The following SATB1 variants were observed in gnomAD, a reference collection of about 807,000 sequenced individuals.
The protein encoded by SATB1 is SATB homeobox 1.
A neutral mutation model predicts 86.9 loss-of-function variants in SATB1; 11 were observed. That is an observed-to-expected ratio of 0.13 (90% CI 0.08 to 0.21). The LOEUF is 0.21. Among genes scored for constraint, SATB1 ranks in the 10% least tolerant of loss-of-function variants. The probability of loss-of-function intolerance (pLI) is 1.00; values close to 1 mark genes in which losing one functional copy is unlikely to be tolerated. For missense variants in SATB1, 551 were observed against 937.6 expected, an observed-to-expected ratio of 0.59 and a Z score of 5.39; for synonymous variants, 357 against 357.2, an observed-to-expected ratio of 1.00 and a Z score of 0.01.
intron 2 of SATB1, among the ~76,000 whole-genome samples, chr3:18,433,329 A>G (rs894822447): frequency 4.6e-5 from 7 of 152,190 alleles, no homozygotes; most frequent in Non-Finnish European, 8.8e-5. Context: ...TAAAGTACTA[A>G]TTTGCAAATT....
At chr3:18,410,367 T>C in intron 5 of SATB1, among the ~76,000 whole-genome samples, 1 of 152,014 alleles carries the variant, frequency 6.6e-6, no homozygotes, top group East Asian at 1.9e-4. Context: ...ATGAAAAGGC[T>C]ACTTGGTGAA....
chr3:18,426,654 G>A (rs1422269837), upstream of SATB1, among the ~76,000 whole-genome samples: 5 of 152,108 alleles, frequency 3.3e-5, no homozygotes, highest in African/African-American at 4.8e-5. This position sits in a 1 kb window ranked among gnomAD's most constrained non-coding sequence, Gnocchi z 4.2. Context: ...GCACCCTGAA[G>A]GCAGTTAATC....
At position 18,444,562 on chromosome 3, in the gene SATB1, G is replaced by T; in HGVS notation, c.-25+956C>A. 1.0e-6 allele frequency: 1 copy of T among 984,096 alleles called. No homozygotes were observed. The highest frequency in any genetic ancestry group is 1.7e-5 in the African/African-American group (1 of 57,286). The allele number at this position is 984,096 out of a possible 1,614,324, so 61.0% of individuals were successfully genotyped here. A position where few individuals can be genotyped will look rare whatever the true frequency, so the allele number is the denominator to read the frequency against. ...GAAAAAGAGGGACAGAGATAAAACAGCAAGAGTAGCAAGGGGAAAAGGGAG... is the reference window on the plus strand; with the variant it reads ...GAAAAAGAGGGACAGAGATAAAACATCAAGAGTAGCAAGGGGAAAAGGGAG... On this transcript the variant is annotated intron_variant, in intron 1 of 3. Transcript: ENST00000415069. The surrounding 1 kb of genome is among the most constrained non-coding windows in gnomAD (Gnocchi z 5.1).
At position 18,444,211 on chromosome 3, in the gene SATB1, T is replaced by C. The variant is rs377302881; in HGVS notation, c.-25+1307A>G. On this transcript the variant is annotated intron_variant, in intron 1 of 3. Transcript: ENST00000415069. This position sits in a 1 kb window ranked among gnomAD's most constrained non-coding sequence, Gnocchi z 5.1. ...CCAGAACGCACCGAGAGGCTCCCCT[T>C]TTCCCCATTTGCTTCCTTCGGTCTT... Among the ~76,000 whole-genome samples the C allele has an allele frequency of 2.6e-5, 4 of 151,966 alleles. No homozygotes were observed. In the East Asian group the frequency reaches 7.8e-4, roughly 29 times the overall value.
upstream of SATB1, among the ~76,000 whole-genome samples, chr3:18,425,614 G>T (rs1031368849): frequency 1.3e-5 from 2 of 151,882 alleles, no homozygotes; most frequent in Non-Finnish European, 2.9e-5. Flanking sequence ...TAATGAGCTT[G>T]ATTAGAGTGA....
chr3:18,420,693 C>A, intron 2 of SATB1, 64 bp downstream of exon 2: 1 of 1,323,634 alleles, frequency 7.6e-7, no homozygotes, highest in Admixed American at 1.7e-5. Context: ...CACCCCCACA[C>A]AGTGTGGCCT....
intron 2 of SATB1, among the ~76,000 whole-genome samples, chr3:18,430,695 T>C (rs544655058): frequency 3.9e-5 from 6 of 152,334 alleles, no homozygotes; most frequent in African/African-American, 1.4e-4. Flanking sequence ...GGAGTGATGA[T>C]AATGAACTCT....
Position 18,383,408 on chromosome 3 carries a change from G to A in SATB1, c.1419+2991C>T, listed in dbSNP as rs530647846. ...TTACACTCTATAAAGAGGTGGAAGA[G>A]AATCCAGTTTCCCAGGCCTTAATGG... On this transcript the variant is annotated intron_variant, in intron 8 of 10. Coordinates refer to ENST00000338745, the MANE Select transcript of SATB1 (RefSeq NM_002971.6). Among the ~76,000 whole-genome samples the A allele has an allele frequency of 3.9e-5, 6 of 152,354 alleles. No homozygotes were observed. The East Asian group carries it at 9.6e-4, about 24-fold the overall frequency.
intron 1 of SATB1, among the ~76,000 whole-genome samples, chr3:18,422,982 T>A (rs1238300064): frequency 6.6e-6 from 1 of 152,198 alleles, no homozygotes; most frequent in Non-Finnish European, 1.5e-5. Flanking sequence ...TATTAAACAC[T>A]AAGTCGTGGT....
At position 18,394,952 on chromosome 3, in the gene SATB1, A is replaced by AT; in HGVS notation, c.752-37_752-36insA. Reference sequence around the variant, plus strand: ...CAAAGAGTAAAATCACATTCAGCCAACAATGATTGGCATTGATAAAGATTT... The same window carrying AT: ...CAAAGAGTAAAATCACATTCAGCCAATCAATGATTGGCATTGATAAAGATTT... On this transcript the variant is annotated intron_variant, in intron 6 of 10. Transcript: ENST00000338745. This position sits in a 1 kb window ranked among gnomAD's most constrained non-coding sequence, Gnocchi z 5.9. The AT allele has an allele frequency of 6.9e-7, 1 of 1,443,906 alleles. No homozygotes were observed. Among genetic ancestry groups the AT allele is most frequent in the Non-Finnish European group, 9.3e-7 (1 of 1,070,408 alleles). The allele number at this position is 1,443,906 out of a possible 1,614,324, so 89.4% of individuals were successfully genotyped here.
At chr3:18,357,051 T>A (rs747165966) in intron 9 of SATB1, among the ~76,000 whole-genome samples, 1 of 151,878 alleles carries the variant, frequency 6.6e-6, no homozygotes, top group African/African-American at 2.4e-5. Flanking sequence ...ATGACAATTC[T>A]TACTGCAACT....
At chr3:18,392,564 TACACACACATAC>T (rs139569792) in intron 7 of SATB1, among the ~76,000 whole-genome samples, 5,486 of 112,410 alleles carry the variant, frequency 0.049, 218 homozygotes, top group African/African-American at 0.1. Context: ...TACATATATA[TACACACACATAC>T]ACACACACAT....
At chr3:18,391,484 C>T (rs529813601) in intron 7 of SATB1, among the ~76,000 whole-genome samples, 66 of 150,190 alleles carry the variant, frequency 4.4e-4, no homozygotes, top group Non-Finnish European at 1.8e-4. Context: ...CCCACTAAGT[C>T]GTCATCTAGC....
chr3:18,429,727 C>A (rs1183209437), upstream of SATB1, among the ~76,000 whole-genome samples: 1 of 152,160 alleles, frequency 6.6e-6, no homozygotes, highest in Non-Finnish European at 1.5e-5. The surrounding 1 kb of genome is among the most constrained non-coding windows in gnomAD (Gnocchi z 4.1). Context: ...CCATTATATA[C>A]CCTCACAGAA....
intron 5 of SATB1, among the ~76,000 whole-genome samples, chr3:18,402,199 TA>T (rs1697307547): frequency 6.6e-6 from 1 of 152,148 alleles, no homozygotes; most frequent in Non-Finnish European, 1.5e-5. Flanking sequence ...AAGATGGTTT[TA>T]TTTTTTTACT....
At chr3:18,389,969 C>T (rs1696562308) in intron 7 of SATB1, among the ~76,000 whole-genome samples, 1 of 152,058 alleles carries the variant, frequency 6.6e-6, no homozygotes, top group Non-Finnish European at 1.5e-5. Flanking sequence ...GCGGTTAAGT[C>T]AGAGTTCTAA....
At chr3:18,372,323 G>A (rs1423707383) in intron 9 of SATB1, among the ~76,000 whole-genome samples, 2 of 152,176 alleles carry the variant, frequency 1.3e-5, no homozygotes, top group Non-Finnish European at 1.5e-5. Flanking sequence ...GAGGCTTAAT[G>A]AGTTATGTCT....
In SATB1 at chr3:18,358,038, G is replaced by A. The variant is rs190269084; in HGVS notation, c.1576-5843C>T. 1.5e-3 allele frequency among the ~76,000 whole-genome samples: 234 copies of A among 152,044 alleles called. 2 individuals carry two copies. Among genetic ancestry groups the A allele is most frequent in the Middle Eastern group, 3.4e-3 (1 of 294 alleles). Reference sequence around the variant, plus strand: ...AAATTATTTACTAGGTTAAAAGGGTGAACTGATACTTTAAATACATCAAAT... The same window carrying A: ...AAATTATTTACTAGGTTAAAAGGGTAAACTGATACTTTAAATACATCAAAT... On this transcript the variant is annotated intron_variant, in intron 9 of 10. Transcript: ENST00000338745.
chr3:18,389,906 G>C (rs1696558556), intron 7 of SATB1, among the ~76,000 whole-genome samples: 1 of 152,084 alleles, frequency 6.6e-6, no homozygotes, highest in Non-Finnish European at 1.5e-5. Context: ...CCAATAATTA[G>C]ATGTGTGCTG....
Sources: allele counts gnomAD v4.1 joint callset (sites outside exome capture counted in the v4.1 genomes callset), GRCh38; gene constraint gnomAD v4.1.1; non-coding constraint Gnocchi (gnomAD v3.1); transcripts MANE v1.5; gene names NCBI Gene and HGNC (gene_info 2026-07-23, HGNC 2026-07-21).